The following TMEM132B variants were observed in gnomAD, a reference collection of about 807,000 sequenced individuals.
TMEM132B encodes the protein transmembrane protein 132B.
A neutral mutation model predicts 90.8 loss-of-function variants in TMEM132B; 18 were observed. That is an observed-to-expected ratio of 0.20 (90% CI 0.14 to 0.29). The LOEUF is 0.29. Ranked by LOEUF, TMEM132B falls within the 10% of genes least tolerant of loss-of-function variation. The pLI is 1.00. For synonymous variants in TMEM132B, 504 were observed against 523.3 expected (o/e 0.96, Z 0.50); for missense variants, 1,096 against 1,326.8 (o/e 0.83, Z 2.70).
At chr12:125,401,843 T>C (rs1879330066) in intron 2 of TMEM132B, among the ~76,000 whole-genome samples, 1 of 152,112 alleles carries the variant, frequency 6.6e-6, no homozygotes, top group South Asian at 2.1e-4. Context: ...TTTTTCTTCC[T>C]TGAGAAATGA....
Position 125,602,989 on chromosome 12 carries a change from C to T in TMEM132B, c.1437+18995C>T, listed in dbSNP as rs575877707. On this transcript the variant is annotated intron_variant, in intron 5 of 8. Transcript: ENST00000682704. ...CACAAAGGGAAAAACATTTCATCCTCATGGATAGAGAGAAACAATATCGTG... is the reference window on the plus strand; with the variant it reads ...CACAAAGGGAAAAACATTTCATCCTTATGGATAGAGAGAAACAATATCGTG... 9.8e-5 allele frequency among the ~76,000 whole-genome samples: 15 copies of T among 152,304 alleles called. 1 individual carries two copies. In the South Asian group the frequency reaches 3.1e-3, roughly 32 times the overall value.
chr12:125,515,402 T>C (rs529101610), intron 3 of TMEM132B, among the ~76,000 whole-genome samples: 2,114 of 27,564 alleles, frequency 0.077, 35 homozygotes, highest in African/African-American at 0.31. Flanking sequence ...CTCTCACAAA[T>C]ACATTCAAAC....
At chr12:125,346,941 T>A (rs766620482) in intron 1 of TMEM132B, among the ~76,000 whole-genome samples, 26 of 152,254 alleles carry the variant, frequency 1.7e-4, no homozygotes, top group Non-Finnish European at 2.2e-4. Context: ...GTGGCTTAAA[T>A]CACTTATTTG....
intron 5 of TMEM132B, among the ~76,000 whole-genome samples, chr12:125,640,122 C>T (rs867362800): frequency 3.3e-5 from 5 of 152,134 alleles, no homozygotes; most frequent in Admixed American, 6.5e-5. Flanking sequence ...GCGCCACTTT[C>T]GGTGAGTCTC....
intron 6 of TMEM132B, among the ~76,000 whole-genome samples, chr12:125,647,856 A>G (rs879455278): frequency 6.6e-6 from 1 of 151,536 alleles, no homozygotes; most frequent in Admixed American, 6.6e-5. Context: ...GTGATGTGGT[A>G]CTTAGGATAG....
intron 2 of TMEM132B, among the ~76,000 whole-genome samples, chr12:125,392,239 A>G (rs1229000864): frequency 6.6e-6 from 1 of 152,240 alleles, no homozygotes; most frequent in Non-Finnish European, 1.5e-5. Context: ...AAAGTGGAAT[A>G]ACATTTCCAT....
At chr12:125,465,868 C>T (rs1028484260) in intron 3 of TMEM132B, among the ~76,000 whole-genome samples, 9 of 152,208 alleles carry the variant, frequency 5.9e-5, no homozygotes, top group African/African-American at 2.2e-4. Context: ...GCCTCGCTCT[C>T]TCTTGCTCCT....
chr12:125,277,934 T>C lies in TMEM132B; in HGVS notation c.68-71518T>C, dbSNP rs1875049469. On this transcript the variant is annotated intron_variant, in intron 1 of 8. Coordinates refer to ENST00000682704, the MANE Select transcript of TMEM132B (RefSeq NM_001366854.1). This position sits in a 1 kb window ranked among gnomAD's most constrained non-coding sequence, Gnocchi z 4.3. ...TTCTCCGATGGGAAAAGTCTGGAAC[T>C]CTGCAGTGTGCCCAAGTCACCACCA... is the stretch of plus-strand genomic sequence containing the variant. 6.6e-6 allele frequency among the ~76,000 whole-genome samples: 1 copy of C among 152,240 alleles called. No homozygotes were observed. Among genetic ancestry groups the C allele is most frequent in the African/African-American group, 2.4e-5 (1 of 41,470 alleles).
At chr12:125,404,157 G>A (rs139146433) in intron 2 of TMEM132B, among the ~76,000 whole-genome samples, 2 of 152,054 alleles carry the variant, frequency 1.3e-5, no homozygotes, top group African/African-American at 2.4e-5. Flanking sequence ...ATCTCTGGAC[G>A]TTTTCATGGA....
chr12:125,319,366 G>A (rs147989063), intron 1 of TMEM132B, among the ~76,000 whole-genome samples: 1 of 152,216 alleles, frequency 6.6e-6, no homozygotes, highest in East Asian at 1.9e-4. Context: ...CGAGAACTTG[G>A]CTTTCCAGTA....
At chr12:125,194,997 T>G (rs1220073691) in intron 1 of TMEM132B, among the ~76,000 whole-genome samples, 1 of 152,202 alleles carries the variant, frequency 6.6e-6, no homozygotes, top group African/African-American at 2.4e-5. Context: ...GTTTCTGTTT[T>G]TTCTCAAGAA....
chr12:125,651,809 A>C (rs1227907848), intron 7 of TMEM132B, among the ~76,000 whole-genome samples: 5 of 152,146 alleles, frequency 3.3e-5, no homozygotes, highest in Admixed American at 2.6e-4. Flanking sequence ...CTGTTGGCAG[A>C]ACTTAGTTCT....
Position 125,415,541 on chromosome 12 carries a change from G to T in TMEM132B, c.970G>T (p.Ala324Ser). The change falls in exon 3 of 9, where the codon GCA becomes TCA. Residue 324 changes from alanine to serine, a missense_variant. Ala to Ser is a moderately conservative substitution (Grantham distance 99, BLOSUM62 1). Transcript: ENST00000682704. This position sits in a 1 kb window ranked among gnomAD's most constrained non-coding sequence, Gnocchi z 5.3. ...ADQFTLRIKA[A>S]AGVKITAVRV... ...TTTCCCACCCCACAGAATTAAGGCG[G>T]CAGCAGGTGTGAAGATAACGGCAGT... is the stretch of plus-strand genomic sequence containing the variant. 1 of 1,614,152 alleles carries T rather than the reference G, an allele frequency of 6.2e-7. No individual in the cohort carries two copies. The highest frequency in any genetic ancestry group is 1.1e-5 in the South Asian group (1 of 91,058).
chr12:125,347,733 A>C (rs1239167047), intron 1 of TMEM132B, among the ~76,000 whole-genome samples: 1 of 152,172 alleles, frequency 6.6e-6, no homozygotes, highest in East Asian at 1.9e-4. Context: ...CAAAAGAAAA[A>C]AAAGTCTCTG....
chr12:125,542,480 C>T (rs1051294571), intron 4 of TMEM132B, among the ~76,000 whole-genome samples: 2 of 152,212 alleles, frequency 1.3e-5, no homozygotes, highest in Non-Finnish European at 2.9e-5. Context: ...ACTGTGTACC[C>T]ATTCAACACT....
At chr12:125,230,147 A>G (rs1338382835) in intron 1 of TMEM132B, among the ~76,000 whole-genome samples, 1 of 152,226 alleles carries the variant, frequency 6.6e-6, no homozygotes, top group East Asian at 1.9e-4. Context: ...CTCACAGTCT[A>G]AGGTATTTTG....
At chr12:125,322,488 C>T (rs903125341) in intron 1 of TMEM132B, among the ~76,000 whole-genome samples, 11 of 152,222 alleles carry the variant, frequency 7.2e-5, no homozygotes, top group South Asian at 2.1e-4. Flanking sequence ...GAGACAAATG[C>T]GGATTAATAG....
intron 5 of TMEM132B, among the ~76,000 whole-genome samples, chr12:125,593,567 G>A (rs551519685): frequency 2.6e-5 from 4 of 152,148 alleles, no homozygotes; most frequent in East Asian, 3.9e-4. Context: ...GTGTGAAAGT[G>A]TCTGGGATAT....
At chr12:125,532,663 C>A (rs1036857934) in intron 4 of TMEM132B, among the ~76,000 whole-genome samples, 1 of 151,856 alleles carries the variant, frequency 6.6e-6, no homozygotes, top group Non-Finnish European at 1.5e-5. Flanking sequence ...TATAGGTGTG[C>A]GCCACCATGC....
Sources: gnomAD v4.1 joint callset for allele counts (sites outside exome capture counted in the v4.1 genomes callset) on GRCh38, gnomAD v4.1.1 for gene constraint, Gnocchi (gnomAD v3.1) non-coding constraint, MANE v1.5 for transcripts, NCBI Gene and HGNC (gene_info 2026-07-23, HGNC 2026-07-21) for gene names.